MDGA2: variants seen among roughly 807,000 people sequenced by gnomAD.
The protein encoded by MDGA2 is MAM domain containing glycosylphosphatidylinositol anchor 2, also known as MAM domain-containing glycosylphosphatidylinositol anchor protein 2.
Under a neutral mutation model 117.8 loss-of-function variants are expected in MDGA2, and 40 were observed. The observed-to-expected ratio is 0.34, with a 90% CI of 0.26 to 0.44. MDGA2 has a LOEUF of 0.44. Ranked by LOEUF, MDGA2 falls within the 20% of genes least tolerant of loss-of-function variation. The pLI, the probability that MDGA2 is intolerant of heterozygous loss-of-function variation, is 1.00. For synonymous variants in MDGA2, 452 were observed against 439.0 expected (o/e 1.03, Z -0.37); for missense variants, 1,123 against 1,250.6 (o/e 0.90, Z 1.54).
At chr14:47,128,865 T>C (rs1199873716) in intron 5 of MDGA2, among the ~76,000 whole-genome samples, 1 of 151,884 alleles carries the variant, frequency 6.6e-6, no homozygotes, top group Non-Finnish European at 1.5e-5. Context: ...CGGCTAATGT[T>C]TTGTATTTTG....
chr14:46,997,831 T>G (rs1887352358), intron 8 of MDGA2, among the ~76,000 whole-genome samples: 1 of 152,174 alleles, frequency 6.6e-6, no homozygotes, highest in African/African-American at 2.4e-5. Context: ...GATAAAATGT[T>G]TGTTAAATTT....
At position 47,052,625 on chromosome 14, in the gene MDGA2, C is replaced by G. The variant is rs1435247272; in HGVS notation, c.1525+8624G>C. Among the ~76,000 whole-genome samples, 6 of 151,786 alleles carry G rather than the reference C, an allele frequency of 4.0e-5. No homozygotes were observed. The Admixed American group carries it at 4.0e-4, about 10-fold the overall frequency. ...TATATTTATGTCCCTCAAAATATAACTAGTAAAATATTGATATAACTTATG... is the reference window on the plus strand; with the variant it reads ...TATATTTATGTCCCTCAAAATATAAGTAGTAAAATATTGATATAACTTATG... On this transcript the variant is annotated intron_variant, in intron 7 of 16. Transcript: ENST00000399232.
Position 46,957,741 on chromosome 14 carries a change from C to A in MDGA2, c.1820-98G>T, listed in dbSNP as rs191467270. 3.1e-5 allele frequency: 41 copies of A among 1,312,594 alleles called. No individual in the cohort carries two copies. In the African/African-American group the frequency reaches 5.5e-4, roughly 17 times the overall value. 81.3% of individuals were successfully genotyped at this position (1,312,594 alleles called of 1,614,324 possible). A position where few individuals can be genotyped will look rare whatever the true frequency, so the allele number is the denominator to read the frequency against. ...AAGCCATTTGCAGTAACACATGCAG[C>A]AATAGAGGAGGAGTGTAGGAGGTGA... On this transcript the variant is annotated intron_variant, in intron 8 of 16. Coordinates refer to ENST00000399232, the MANE Select transcript of MDGA2 (RefSeq NM_001113498.3).
intron 1 of MDGA2, among the ~76,000 whole-genome samples, chr14:47,532,096 G>A (rs1895112780): frequency 6.6e-6 from 1 of 152,178 alleles, no homozygotes; most frequent in South Asian, 2.1e-4. Context: ...AGTGCAAAGT[G>A]AGGGGAGATG....
At position 47,494,352 on chromosome 14, in the gene MDGA2, A is replaced by G. The variant is rs147641322; in HGVS notation, c.280+180165T>C. On this transcript the variant is annotated intron_variant, in intron 1 of 16. Coordinates refer to ENST00000399232, the MANE Select transcript of MDGA2 (RefSeq NM_001113498.3). ...CTGAAACTCATTCTATAATCACCAT[A>G]GTTTGGCTGCTATCCTACTATTTTA... Among the ~76,000 whole-genome samples, 805 of 152,316 alleles carry G rather than the reference A, an allele frequency of 5.3e-3. 5 individuals carry two copies. Among genetic ancestry groups the G allele is most frequent in the African/African-American group, 0.018 (752 of 41,582 alleles).
At chr14:46,975,716 A>G (rs1573004) in intron 8 of MDGA2, among the ~76,000 whole-genome samples, 1 of 152,140 alleles carries the variant, frequency 6.6e-6, no homozygotes. Flanking sequence ...CGTTTGAGTT[A>G]CTATTAAAAA....
intron 1 of MDGA2, among the ~76,000 whole-genome samples, chr14:47,321,695 T>C (rs1889984940): frequency 6.6e-6 from 1 of 152,196 alleles, no homozygotes; most frequent in African/African-American, 2.4e-5. Context: ...TCATAAGTGA[T>C]TGTTTAGTTA....
intron 1 of MDGA2, among the ~76,000 whole-genome samples, chr14:47,522,316 T>A (rs1435923630): frequency 6.8e-6 from 1 of 147,026 alleles, no homozygotes; most frequent in African/African-American, 2.5e-5. Context: ...GGTATATATA[T>A]GTATATATTT....
chr14:46,919,942 A>T (rs1161629003), intron 10 of MDGA2, 70 bp downstream of exon 10: 2 of 1,393,366 alleles, frequency 1.4e-6, no homozygotes, highest in Non-Finnish European at 1.9e-6. Flanking sequence ...CAAAACTCTT[A>T]GAAAAATGAT....
chr14:46,950,139 T>G (rs1041664483), intron 9 of MDGA2, among the ~76,000 whole-genome samples: 4 of 152,120 alleles, frequency 2.6e-5, no homozygotes, highest in Non-Finnish European at 5.9e-5. Context: ...GAATTTAAAT[T>G]GAATATTAAG....
chr14:47,210,242 A>C (rs1885832955), intron 3 of MDGA2, among the ~76,000 whole-genome samples: 1 of 152,202 alleles, frequency 6.6e-6, no homozygotes, highest in South Asian at 2.1e-4. Flanking sequence ...AGTGACATGA[A>C]AGTAGGGGAT....
chr14:47,263,325 C>G (rs1002457850), intron 2 of MDGA2, among the ~76,000 whole-genome samples: 2 of 152,064 alleles, frequency 1.3e-5, no homozygotes, highest in Non-Finnish European at 2.9e-5. Flanking sequence ...TGCCACCCAT[C>G]CTCCATCCCC....
At chr14:47,362,298 C>T (rs1891142586) in intron 1 of MDGA2, among the ~76,000 whole-genome samples, 2 of 152,160 alleles carry the variant, frequency 1.3e-5, no homozygotes, top group Non-Finnish European at 2.9e-5. Context: ...TATAAATACT[C>T]AGACTCTAAA....
chr14:47,578,976 C>G (rs1246123127), intron 1 of MDGA2, among the ~76,000 whole-genome samples: 1 of 152,086 alleles, frequency 6.6e-6, no homozygotes. Context: ...ATATCTTACC[C>G]TTAGCATTCC....
rs1415992185 is a variant in MDGA2, at chr14:47,312,696, TTG to T, written c.281-11148_281-11147del. 4.2e-5 allele frequency among the ~76,000 whole-genome samples: 6 copies of T among 141,670 alleles called. 1 individual carries two copies. Among genetic ancestry groups the T allele is most frequent in the East Asian group, 4.2e-4 (2 of 4,796 alleles). The allele number at this position is 141,670 out of a possible 152,430, so 92.9% of individuals were successfully genotyped here. On this transcript the variant is annotated intron_variant, in intron 1 of 16. Coordinates refer to ENST00000399232, the MANE Select transcript of MDGA2 (RefSeq NM_001113498.3). ...TTTTTAGTTTTTTTTTTGTTTTGTT[TTG>T]TTTTTTTTTTTTGTAGAGATAGGGT...
At chr14:46,903,045 C>T (rs1320036203) in intron 10 of MDGA2, among the ~76,000 whole-genome samples, 2 of 152,184 alleles carry the variant, frequency 1.3e-5, no homozygotes, top group East Asian at 1.9e-4. Flanking sequence ...GGAGGAGCTG[C>T]GCCTCTTCAG....
At chr14:46,921,945 T>A (rs1464153264) in intron 9 of MDGA2, among the ~76,000 whole-genome samples, 2 of 152,132 alleles carry the variant, frequency 1.3e-5, no homozygotes, top group African/African-American at 4.8e-5. Flanking sequence ...CTATGAGGAC[T>A]GAGGGGTTGC....
intron 1 of MDGA2, among the ~76,000 whole-genome samples, chr14:47,455,701 G>A (rs1893335147): frequency 1.3e-5 from 2 of 152,004 alleles, no homozygotes; most frequent in African/African-American, 2.4e-5. Flanking sequence ...TTAAATATTA[G>A]AGTATGAGTG....
chr14:47,644,550 G>T (rs1897489243), intron 1 of MDGA2, among the ~76,000 whole-genome samples: 1 of 152,144 alleles, frequency 6.6e-6, no homozygotes, highest in African/African-American at 2.4e-5. Context: ...AGACGCTGGA[G>T]AGGGTAGGAA....
Sources: gnomAD v4.1 joint callset for allele counts (sites outside exome capture counted in the v4.1 genomes callset) on GRCh38, gnomAD v4.1.1 for gene constraint, MANE v1.5 for transcripts, NCBI Gene and HGNC (gene_info 2026-07-23, HGNC 2026-07-21) for gene names.